ERC1: variants seen among roughly 807,000 people sequenced by gnomAD.
The protein encoded by ERC1 is RAB6 interacting protein 2.
A neutral mutation model predicts 132.0 loss-of-function variants in ERC1; 56 were observed. The ratio of observed to expected loss-of-function variants is 0.42; its 90% CI spans 0.34 to 0.53. ERC1 has a LOEUF of 0.53. Ranked by LOEUF, ERC1 falls within the 20% of genes least tolerant of loss-of-function variation. The pLI, the probability that ERC1 is intolerant of heterozygous loss-of-function variation, is 0.03. For missense variants in ERC1, 1,202 were observed against 1,349.9 expected, an observed-to-expected ratio of 0.89 and a Z score of 1.72; for synonymous variants, 478 against 476.1, an observed-to-expected ratio of 1.00 and a Z score of -0.05.
intron 12 of ERC1, among the ~76,000 whole-genome samples, chr12:1,205,484 G>T (rs979597980): frequency 3.3e-5 from 5 of 150,658 alleles, no homozygotes; most frequent in Non-Finnish European, 7.4e-5. Context: ...CTAGCATATG[G>T]GTTACACTGG....
At chr12:1,470,798 C>T (rs1234809740) in intron 18 of ERC1, among the ~76,000 whole-genome samples, 1 of 152,206 alleles carries the variant, frequency 6.6e-6, no homozygotes, top group Non-Finnish European at 1.5e-5. Flanking sequence ...AAATCTTTGG[C>T]CTGATAAAGA....
At chr12:1,060,380 T>C (rs955531332) in intron 2 of ERC1, among the ~76,000 whole-genome samples, 4 of 147,346 alleles carry the variant, frequency 2.7e-5, no homozygotes, top group African/African-American at 9.9e-5. Context: ...CCTGTGTCCA[T>C]GTGTTCTCAT....
intron 16 of ERC1, among the ~76,000 whole-genome samples, chr12:1,392,507 C>A (rs1208347178): frequency 6.6e-6 from 1 of 152,160 alleles, no homozygotes; most frequent in Non-Finnish European, 1.5e-5. Context: ...GCCCAAGTCA[C>A]ATATTTACCT....
At chr12:1,420,196 A>G (rs1293482179) in intron 17 of ERC1, among the ~76,000 whole-genome samples, 2 of 146,248 alleles carry the variant, frequency 1.4e-5, no homozygotes, top group Non-Finnish European at 3.1e-5. Context: ...TTTAACAAAG[A>G]TACACACCTA....
chr12:1,423,959 A>G (rs995214576), intron 17 of ERC1, among the ~76,000 whole-genome samples: 4 of 152,196 alleles, frequency 2.6e-5, no homozygotes, highest in Admixed American at 6.5e-5. Context: ...TATTCAATGA[A>G]TACTTGTTGA....
intron 15 of ERC1, among the ~76,000 whole-genome samples, chr12:1,303,955 GAAA>G (rs59587052): frequency 3.5e-5 from 3 of 86,472 alleles, no homozygotes; most frequent in East Asian, 3.3e-4. Context: ...CTCCATCTCA[GAAA>G]AAAAAAAAAA....
intron 2 of ERC1, among the ~76,000 whole-genome samples, chr12:1,028,877 G>C (rs1967416650): frequency 7.3e-6 from 1 of 136,174 alleles, no homozygotes; most frequent in Non-Finnish European, 1.6e-5. Context: ...CAATTCTTCT[G>C]AGAGTATAAT....
intron 18 of ERC1, among the ~76,000 whole-genome samples, chr12:1,483,270 C>T (rs993230271): frequency 1.3e-5 from 2 of 152,078 alleles, no homozygotes; most frequent in East Asian, 3.9e-4. Flanking sequence ...TGCACTCCAG[C>T]CTGAGCAACA....
intron 15 of ERC1, among the ~76,000 whole-genome samples, chr12:1,353,255 C>T (rs1216678421): frequency 6.6e-6 from 1 of 152,082 alleles, no homozygotes; most frequent in Non-Finnish European, 1.5e-5. Context: ...TGGTCTCGAT[C>T]TCCTGACCTC....
intron 15 of ERC1, among the ~76,000 whole-genome samples, chr12:1,321,744 A>G (rs1387895262): frequency 6.6e-6 from 1 of 152,140 alleles, no homozygotes; most frequent in Non-Finnish European, 1.5e-5. Context: ...ACCATTTCCT[A>G]CATCTCTTCT....
chr12:1,269,854 G>A lies in ERC1; in HGVS notation c.2619+6689G>A, dbSNP rs1594682846. Among the ~76,000 whole-genome samples, 4 of 152,226 alleles carry A rather than the reference G, an allele frequency of 2.6e-5. No individual in the cohort carries two copies. The South Asian group carries it at 8.3e-4, about 32-fold the overall frequency. On this transcript the variant is annotated intron_variant, in intron 14 of 18. Coordinates refer to ENST00000360905, the MANE Select transcript of ERC1 (RefSeq NM_178040.4). ...CTTCACGGTTCTGCACCCCTCACTTGACAACTCTCCTGACTCTTACTATCC... is the reference window on the plus strand; with the variant it reads ...CTTCACGGTTCTGCACCCCTCACTTAACAACTCTCCTGACTCTTACTATCC...
At chr12:1,188,693 T>C (rs1955390496) in intron 11 of ERC1, among the ~76,000 whole-genome samples, 1 of 152,224 alleles carries the variant, frequency 6.6e-6, no homozygotes. Context: ...GCTGTTACTT[T>C]CACCAAGCGT....
In ERC1 at chr12:1,491,615, T is replaced by C. The variant is rs973325953; in HGVS notation, c.*1385T>C. 2 of 229,498 alleles carry C rather than the reference T, an allele frequency of 8.7e-6. No individual in the cohort carries two copies. Among genetic ancestry groups the C allele is most frequent in the Non-Finnish European group, 1.7e-5 (2 of 115,852 alleles). The allele number at this position is 229,498 out of a possible 1,614,324, so 14.2% of individuals were successfully genotyped here. A position where few individuals can be genotyped will look rare whatever the true frequency, so the allele number is the denominator to read the frequency against. ...GAGTTTGGGGGTCTCAGTCACCCGC[T>C]TGCCTGTAGGATTCCATTTGATGAT... On this transcript the variant is annotated 3_prime_UTR_variant, in exon 19 of 19. Coordinates refer to ENST00000360905, the MANE Select transcript of ERC1 (RefSeq NM_178040.4).
At chr12:1,240,330 G>A (rs1355856292) in intron 13 of ERC1, among the ~76,000 whole-genome samples, 1 of 152,104 alleles carries the variant, frequency 6.6e-6, no homozygotes, top group Non-Finnish European at 1.5e-5. Flanking sequence ...GACATGGGGT[G>A]TATGATATTA....
chr12:1,485,201 C>CTTTTCTT lies in ERC1; in HGVS notation c.3214-4888_3214-4887insCTTTTTT, dbSNP rs2094187033. Among the ~76,000 whole-genome samples the CTTTTCTT allele has an allele frequency of 3.1e-3, 301 of 96,380 alleles. 3 individuals are homozygous for CTTTTCTT. Among genetic ancestry groups the CTTTTCTT allele is most frequent in the African/African-American group, 0.013 (291 of 22,966 alleles). The allele number at this position is 96,380 out of a possible 152,430, so 63.2% of individuals were successfully genotyped here. On this transcript the variant is annotated intron_variant, in intron 18 of 18. Coordinates refer to ENST00000360905, the MANE Select transcript of ERC1 (RefSeq NM_178040.4). Reference sequence around the variant, plus strand: ...CCCAAACCTGGTCAAGTTTATATTTCTTTTTTTTTTTTTTTTTTTTTGAGA... The same window carrying CTTTTCTT: ...CCCAAACCTGGTCAAGTTTATATTTCTTTTCTTTTTTTTTTTTTTTTTTTTTTTGAGA...
intron 3 of ERC1, among the ~76,000 whole-genome samples, chr12:1,091,573 A>G (rs1943224508): frequency 6.6e-6 from 1 of 152,218 alleles, no homozygotes; most frequent in Non-Finnish European, 1.5e-5. Flanking sequence ...CTGGACACCA[A>G]CCATGCGCAC....
At chr12:1,205,021 A>C (rs1957229857) in intron 12 of ERC1, among the ~76,000 whole-genome samples, 1 of 152,192 alleles carries the variant, frequency 6.6e-6, no homozygotes, top group South Asian at 2.1e-4. Flanking sequence ...TAGTGATAAC[A>C]AAAACAGCAA....
intron 14 of ERC1, among the ~76,000 whole-genome samples, chr12:1,282,374 T>C (rs577696552): frequency 6.6e-6 from 1 of 152,306 alleles, no homozygotes; most frequent in South Asian, 2.1e-4. Flanking sequence ...ATTTTGAGGC[T>C]TTAATGAGAC....
chr12:1,064,763 G>A (rs1311761681), intron 2 of ERC1, among the ~76,000 whole-genome samples: 1 of 152,166 alleles, frequency 6.6e-6, no homozygotes, highest in African/African-American at 2.4e-5. Flanking sequence ...CTTTCTTTGG[G>A]CTGAATATGT....
Sources: gnomAD v4.1 joint callset for allele counts (sites outside exome capture counted in the v4.1 genomes callset) on GRCh38, gnomAD v4.1.1 for gene constraint, MANE v1.5 for transcripts, NCBI Gene and HGNC (gene_info 2026-07-23, HGNC 2026-07-21) for gene names.